Variants in EPHA3 observed in about 807,000 individuals in gnomAD.
EPHA3 encodes the protein EPH receptor A3, also known as ephrin type-A receptor 3.
Under a neutral mutation model 107.1 loss-of-function variants are expected in EPHA3, and 42 were observed. The ratio of observed to expected loss-of-function variants is 0.39; its 90% CI spans 0.31 to 0.51. EPHA3 has a LOEUF of 0.51. Among genes scored for constraint, EPHA3 ranks in the 20% least tolerant of loss-of-function variants. The probability of loss-of-function intolerance (pLI) is 0.78; values close to 1 mark genes in which losing one functional copy is unlikely to be tolerated. For synonymous variants in EPHA3, 461 were observed against 424.8 expected, an observed-to-expected ratio of 1.09 and a Z score of -1.05; for missense variants, 1,183 against 1,211.2, an observed-to-expected ratio of 0.98 and a Z score of 0.35.
chr3:89,184,769 C>T (rs757123398), intron 2 of EPHA3, among the ~76,000 whole-genome samples: 1 of 151,852 alleles, frequency 6.6e-6, no homozygotes, highest in Non-Finnish European at 1.5e-5. Flanking sequence ...GGAATGTTTT[C>T]CAGCAAGATA....
Position 89,315,095 on chromosome 3 carries a change from A to G in EPHA3, c.815-25821A>G, listed in dbSNP as rs188847132. Among the ~76,000 whole-genome samples the G allele has an allele frequency of 2.6e-5, 4 of 152,002 alleles. No individual in the cohort carries two copies. In the East Asian group the frequency reaches 7.7e-4, roughly 29 times the overall value. On this transcript the variant is annotated intron_variant, in intron 3 of 16. Transcript: ENST00000336596. ...AGGTATAGTAAAAATATGGCATTAT[A>G]ATCTTATGGGTCCACTGTCATGCAC...
At chr3:89,141,111 G>T (rs947652667) in intron 2 of EPHA3, among the ~76,000 whole-genome samples, 2 of 151,498 alleles carry the variant, frequency 1.3e-5, no homozygotes, top group African/African-American at 4.8e-5. Flanking sequence ...CCCATAAAAT[G>T]CACGTCACCA....
In EPHA3 at chr3:89,342,135, G is replaced by A. The variant is rs374595725; in HGVS notation, c.1306+45G>A. ...TTCTTACTCTTATCATATCACGTCT[G>A]AGTAATGGTTTTGACTCTGGGTGGA... On this transcript the variant is annotated intron_variant, in intron 5 of 16. Coordinates refer to ENST00000336596, the MANE Select transcript of EPHA3 (RefSeq NM_005233.6). 53 of 1,508,954 alleles carry A rather than the reference G, an allele frequency of 3.5e-5. 1 individual carries two copies. The highest frequency in any genetic ancestry group is 4.4e-5 in the Non-Finnish European group (49 of 1,117,848). The allele number at this position is 1,508,954 out of a possible 1,614,324, so 93.5% of individuals were successfully genotyped here.
intron 2 of EPHA3, among the ~76,000 whole-genome samples, chr3:89,161,933 C>A (rs1315650116): frequency 6.6e-6 from 1 of 151,684 alleles, no homozygotes; most frequent in Non-Finnish European, 1.5e-5. Flanking sequence ...GCCATGATTG[C>A]ACCACTGCAC....
chr3:89,478,647 A>G (rs1296221880), intron 16 of EPHA3, among the ~76,000 whole-genome samples: 1 of 152,152 alleles, frequency 6.6e-6, no homozygotes, highest in Non-Finnish European at 1.5e-5. Context: ...AGGATATCTC[A>G]AGCAATAAGT....
At chr3:89,118,922 G>A (rs1160824254) in intron 1 of EPHA3, among the ~76,000 whole-genome samples, 1 of 151,844 alleles carries the variant, frequency 6.6e-6, no homozygotes, top group Non-Finnish European at 1.5e-5. Context: ...AGTGGAGGGT[G>A]CAATTTAAGT....
chr3:89,331,999 T>G (rs1707300029), intron 3 of EPHA3, among the ~76,000 whole-genome samples: 1 of 152,130 alleles, frequency 6.6e-6, no homozygotes, highest in African/African-American at 2.4e-5. Flanking sequence ...ATATCCTGAG[T>G]ATAGAGTTGA....
intron 3 of EPHA3, among the ~76,000 whole-genome samples, chr3:89,299,286 G>T (rs1226857481): frequency 1.3e-5 from 2 of 151,962 alleles, no homozygotes; most frequent in Non-Finnish European, 2.9e-5. Context: ...TTAAATCATT[G>T]TAACAAAGAT....
At chr3:89,308,440 G>T (rs1438106131) in intron 3 of EPHA3, among the ~76,000 whole-genome samples, 1 of 152,064 alleles carries the variant, frequency 6.6e-6, no homozygotes, top group African/African-American at 2.4e-5. Flanking sequence ...ATAGTGTGTG[G>T]GTGGGTGGTA....
intron 13 of EPHA3, among the ~76,000 whole-genome samples, chr3:89,444,697 A>G (rs1260690163): frequency 6.6e-6 from 1 of 152,088 alleles, no homozygotes; most frequent in East Asian, 1.9e-4. Context: ...AAATGGCTTT[A>G]TATATATTAT....
intron 1 of EPHA3, among the ~76,000 whole-genome samples, chr3:89,116,067 G>A (rs1707246810): frequency 6.6e-6 from 1 of 152,090 alleles, no homozygotes; most frequent in Admixed American, 6.5e-5. Context: ...CGTGTGGGGG[G>A]GACCCACTAA....
At chr3:89,411,043 T>A (rs1709147356) in intron 9 of EPHA3, among the ~76,000 whole-genome samples, 1 of 151,842 alleles carries the variant, frequency 6.6e-6, no homozygotes, top group Admixed American at 6.6e-5. Flanking sequence ...ACATCAATTA[T>A]ATTAATAATT....
chr3:89,404,396 G>C (rs1394928074), intron 7 of EPHA3, among the ~76,000 whole-genome samples: 1 of 152,118 alleles, frequency 6.6e-6, no homozygotes, highest in Non-Finnish European at 1.5e-5. Context: ...ACAAAATTAT[G>C]TCACACAGCA....
intron 3 of EPHA3, among the ~76,000 whole-genome samples, chr3:89,255,314 C>T (rs1008661533): frequency 1.3e-5 from 2 of 152,092 alleles, no homozygotes; most frequent in Non-Finnish European, 2.9e-5. Flanking sequence ...ACTCTGGTTT[C>T]CTATATCATG....
At chr3:89,349,501 T>C (rs1707753311) in intron 5 of EPHA3, among the ~76,000 whole-genome samples, 1 of 149,642 alleles carries the variant, frequency 6.7e-6, no homozygotes, top group Non-Finnish European at 1.5e-5. Flanking sequence ...ATTTTGAGCC[T>C]ATGTGTGTCT....
At chr3:89,129,580 C>A (rs1576169463) in intron 2 of EPHA3, among the ~76,000 whole-genome samples, 1 of 146,998 alleles carries the variant, frequency 6.8e-6, no homozygotes. Flanking sequence ...ATATATAGTG[C>A]AGATTTAGAA....
chr3:89,332,847 A>AT (rs1194989307), intron 3 of EPHA3, among the ~76,000 whole-genome samples: 3 of 152,156 alleles, frequency 2.0e-5, no homozygotes, highest in East Asian at 3.9e-4. Flanking sequence ...CAACAGCTTT[A>AT]TTTTTTTAAT....
In EPHA3 at chr3:89,480,093, G is replaced by A. The variant is rs1710594885; in HGVS notation, c.*591G>A. On this transcript the variant is annotated 3_prime_UTR_variant, in exon 17 of 17. Coordinates refer to ENST00000336596, the MANE Select transcript of EPHA3 (RefSeq NM_005233.6). ...ATTTTTAAATTGTTAGCTTCCTTAA[G>A]TATATCATGTAAAGAAATGTCTTAA... The A allele has an allele frequency of 8.6e-6, 2 of 232,612 alleles. No individual in the cohort carries two copies. The highest frequency in any genetic ancestry group is 1.7e-5 in the Non-Finnish European group (2 of 117,550). 14.4% of individuals were successfully genotyped at this position (232,612 alleles called of 1,614,324 possible). A position where few individuals can be genotyped will look rare whatever the true frequency, so the allele number is the denominator to read the frequency against.
At chr3:89,433,684 A>G (rs1288492544) in intron 13 of EPHA3, among the ~76,000 whole-genome samples, 1 of 152,216 alleles carries the variant, frequency 6.6e-6, no homozygotes, top group African/African-American at 2.4e-5. Flanking sequence ...CTTAACAAAC[A>G]CAATTCAAAT....
Sources: allele counts gnomAD v4.1 joint callset (sites outside exome capture counted in the v4.1 genomes callset), GRCh38; gene constraint gnomAD v4.1.1; transcripts MANE v1.5; gene names NCBI Gene and HGNC (gene_info 2026-07-23, HGNC 2026-07-21).